Variants in MECOM observed in about 807,000 individuals in gnomAD.
MECOM encodes MDS1 and EVI1 complex locus.
MECOM carries 13 observed loss-of-function variants against 116.3 expected under a neutral mutation model. The observed-to-expected ratio is 0.11, with a 90% CI of 0.07 to 0.18. The LOEUF (loss-of-function observed/expected upper bound fraction) is 0.18. Ranked by LOEUF, MECOM falls within the 10% of genes least tolerant of loss-of-function variation. The pLI is 1.00. For missense variants in MECOM, 1,299 were observed against 1,509.0 expected (o/e 0.86, Z 2.31); for synonymous variants, 528 against 535.2 (o/e 0.99, Z 0.19).
At chr3:169,176,142 C>A (rs78985458) in intron 2 of MECOM, among the ~76,000 whole-genome samples, 8 of 146,624 alleles carry the variant, frequency 5.5e-5, no homozygotes, top group Non-Finnish European at 1.1e-4. Flanking sequence ...CACATACACA[C>A]CAAAAAAAAA....
chr3:169,634,675 T>A (rs965917345), intron 1 of MECOM, among the ~76,000 whole-genome samples: 1 of 152,136 alleles, frequency 6.6e-6, no homozygotes, highest in African/African-American at 2.4e-5. Flanking sequence ...CTTTTTCAAA[T>A]GTCTGCTTGG....
chr3:169,623,480 A>G (rs909911385), intron 1 of MECOM, among the ~76,000 whole-genome samples: 9 of 152,220 alleles, frequency 5.9e-5, no homozygotes, highest in African/African-American at 2.2e-4. Context: ...AATAACCCAA[A>G]TTCTCATCCT....
intron 2 of MECOM, among the ~76,000 whole-genome samples, chr3:169,361,252 C>A (rs1306484147): frequency 6.6e-6 from 1 of 151,804 alleles, no homozygotes; most frequent in Non-Finnish European, 1.5e-5. Context: ...TTTAGGGACA[C>A]TTACTAAAGT....
chr3:169,313,829 GA>G (rs1056778032), intron 2 of MECOM, among the ~76,000 whole-genome samples: 23 of 152,188 alleles, frequency 1.5e-4, no homozygotes, highest in Middle Eastern at 3.2e-3. Flanking sequence ...GGCCAGTTGA[GA>G]AGTAAGAGAG....
intron 2 of MECOM, among the ~76,000 whole-genome samples, chr3:169,280,796 G>T (rs1711782243): frequency 6.6e-6 from 1 of 152,196 alleles, no homozygotes; most frequent in Non-Finnish European, 1.5e-5. Context: ...ATGCCAGTGG[G>T]AGAGGCTGAT....
intron 1 of MECOM, among the ~76,000 whole-genome samples, chr3:169,422,087 A>T (rs867821382): frequency 3.3e-5 from 5 of 149,620 alleles, no homozygotes; most frequent in African/African-American, 4.8e-5. Context: ...TTTCTTTTTT[A>T]AAAAAAGATA....
intron 1 of MECOM, among the ~76,000 whole-genome samples, chr3:169,392,646 A>C (rs1485553576): frequency 6.6e-6 from 1 of 152,184 alleles, no homozygotes; most frequent in Non-Finnish European, 1.5e-5. Context: ...TGTGACAATG[A>C]AATAAAATAA....
intron 1 of MECOM, among the ~76,000 whole-genome samples, chr3:169,394,403 A>G (rs536145642): frequency 1.3e-5 from 2 of 152,360 alleles, no homozygotes; most frequent in Non-Finnish European, 2.9e-5. Context: ...AATGACCTCA[A>G]TGATCAACTC....
chr3:169,241,276 A>G (rs535088033), intron 2 of MECOM, among the ~76,000 whole-genome samples: 1 of 152,256 alleles, frequency 6.6e-6, no homozygotes, highest in Admixed American at 6.5e-5. Flanking sequence ...CAGGGGTTAC[A>G]AAGGTGGAGA....
chr3:169,232,259 G>A (rs1263538232), intron 2 of MECOM, among the ~76,000 whole-genome samples: 5 of 152,056 alleles, frequency 3.3e-5, no homozygotes, highest in African/African-American at 7.2e-5. Flanking sequence ...TTACCATTTT[G>A]AGGCCATTCT....
chr3:169,479,474 GAC>G (rs1361821364), intron 1 of MECOM, among the ~76,000 whole-genome samples: 1 of 152,046 alleles, frequency 6.6e-6, no homozygotes, highest in Non-Finnish European at 1.5e-5. Context: ...AGGCTGGAAA[GAC>G]AGGCAGGGCC....
At chr3:169,087,634 T>G (rs1294557917) in intron 16 of MECOM, among the ~76,000 whole-genome samples, 1 of 151,794 alleles carries the variant, frequency 6.6e-6, no homozygotes, top group Non-Finnish European at 1.5e-5. Flanking sequence ...CCAAAAACCT[T>G]GATACTCAAG....
chr3:169,649,582 T>A (rs1774626251), intron 1 of MECOM, among the ~76,000 whole-genome samples: 1 of 152,142 alleles, frequency 6.6e-6, no homozygotes, highest in Non-Finnish European at 1.5e-5. Context: ...TTCAATATTT[T>A]CAGGAAATTG....
chr3:169,322,375 G>A (rs373658051), intron 2 of MECOM, among the ~76,000 whole-genome samples: 1 of 152,162 alleles, frequency 6.6e-6, no homozygotes, highest in African/African-American at 2.4e-5. Context: ...CATTCACAAA[G>A]AGGCTCTAGG....
intron 16 of MECOM, among the ~76,000 whole-genome samples, chr3:169,088,796 CA>C (rs541851411): frequency 5.3e-5 from 8 of 152,040 alleles, no homozygotes; most frequent in Non-Finnish European, 1.2e-4. Context: ...ATACAGAATG[CA>C]GCTAAATTAA....
chr3:169,102,361 A>G (rs992538332), intron 10 of MECOM, 135 bp from the exon 11 acceptor site: 19 of 620,388 alleles, frequency 3.1e-5, no homozygotes, highest in Middle Eastern at 6.7e-4. Context: ...GTAGTATCCC[A>G]ATATTAAATA....
chr3:169,316,696 G>T (rs1214713686), intron 2 of MECOM, among the ~76,000 whole-genome samples: 1 of 152,084 alleles, frequency 6.6e-6, no homozygotes, highest in Admixed American at 6.5e-5. Flanking sequence ...GGAATTATAG[G>T]CATGTGCCAC....
chr3:169,189,716 A>G (rs1278183168), intron 2 of MECOM, among the ~76,000 whole-genome samples: 1 of 152,060 alleles, frequency 6.6e-6, no homozygotes, highest in Admixed American at 6.6e-5. Context: ...CACAAACTGG[A>G]CATCCTAAAA....
chr3:169,486,284 T>C (rs1345034842), intron 1 of MECOM, among the ~76,000 whole-genome samples: 1 of 151,714 alleles, frequency 6.6e-6, no homozygotes, highest in African/African-American at 2.4e-5. Context: ...TAAAGGAGGA[T>C]AGCTAATAAT....
Sources: gnomAD v4.1 joint callset for allele counts (sites outside exome capture counted in the v4.1 genomes callset) on GRCh38, gnomAD v4.1.1 for gene constraint, MANE v1.5 for transcripts, NCBI Gene and HGNC (gene_info 2026-07-23, HGNC 2026-07-21) for gene names.